Variants in HDAC9 observed in about 807,000 individuals in gnomAD.
HDAC9 encodes MEF-2 interacting transcription repressor (MITR) protein.
HDAC9 carries 41 observed loss-of-function variants against 139.4 expected under a neutral mutation model. That is an observed-to-expected ratio of 0.29 (90% CI 0.23 to 0.38). The LOEUF (loss-of-function observed/expected upper bound fraction) is 0.38. Ranked by LOEUF, HDAC9 falls within the 10% of genes least tolerant of loss-of-function variation. HDAC9 has a pLI of 1.00. For missense variants in HDAC9, 1,147 were observed against 1,297.0 expected, an observed-to-expected ratio of 0.88 and a Z score of 1.78; for synonymous variants, 517 against 476.2, an observed-to-expected ratio of 1.09 and a Z score of -1.12.
intron 1 of HDAC9, among the ~76,000 whole-genome samples, chr7:18,316,548 C>T (rs891887287): frequency 2.0e-5 from 3 of 148,224 alleles, no homozygotes; most frequent in Non-Finnish European, 4.4e-5. Context: ...CCATAATCTC[C>T]GTACTTGGGA....
At chr7:18,646,592 G>A (rs901554894) in intron 9 of HDAC9, among the ~76,000 whole-genome samples, 3 of 152,112 alleles carry the variant, frequency 2.0e-5, no homozygotes, top group African/African-American at 7.2e-5. Context: ...TTGACTTACT[G>A]TGTGACTCAG....
chr7:18,421,355 AGGAAGGGGGAAGGGAGGGAGGGAT>A (rs1789597506), intron 1 of HDAC9, among the ~76,000 whole-genome samples: 2 of 142,414 alleles, frequency 1.4e-5, no homozygotes, highest in Non-Finnish European at 3.1e-5. Context: ...GAAAAAAGGA[AGGAAGGGGGAAGGGAGGGAGGGAT>A]GGAAGGAGAA....
intron 2 of HDAC9, among the ~76,000 whole-genome samples, chr7:18,258,460 G>T (rs1479585037): frequency 6.6e-6 from 1 of 152,194 alleles, no homozygotes; most frequent in African/African-American, 2.4e-5. Flanking sequence ...TACCCAGTGT[G>T]TAGTCTTTTG....
chr7:18,234,812 G>A (rs1793705401), intron 2 of HDAC9, among the ~76,000 whole-genome samples: 1 of 152,226 alleles, frequency 6.6e-6, no homozygotes, highest in South Asian at 2.1e-4. Context: ...CAAGGATTCT[G>A]TTGCAGGACA....
chr7:18,859,838 A>ATGTGTGTGTGTGTGTG (rs1562997025), intron 21 of HDAC9, among the ~76,000 whole-genome samples: 1 of 129,788 alleles, frequency 7.7e-6, no homozygotes, highest in Non-Finnish European at 1.7e-5. Flanking sequence ...ATATATATAT[A>ATGTGTGTGTGTGTGTG]TATATATATA....
Position 18,634,755 on chromosome 7 carries a change from T to A in HDAC9, c.912+13T>A. 5 of 1,526,338 alleles carry A rather than the reference T, an allele frequency of 3.3e-6. No individual in the cohort carries two copies. The highest frequency in any genetic ancestry group is 4.5e-6 in the Non-Finnish European group (5 of 1,118,470). The allele number at this position is 1,526,338 out of a possible 1,614,324, so 94.5% of individuals were successfully genotyped here. The stretch of plus-strand genomic sequence containing the variant: ...CCCTCATGCCGAGGTAAGACCCTTA[T>A]TATTTTGTTTCTTTTAAAAACTGAA... On this transcript the variant is annotated intron_variant, in intron 8 of 25. Transcript: ENST00000686413.
intron 1 of HDAC9, among the ~76,000 whole-genome samples, chr7:18,411,359 A>G (rs1442029488): frequency 1.3e-5 from 2 of 152,200 alleles, no homozygotes; most frequent in Non-Finnish European, 2.9e-5. Flanking sequence ...TATTCAATAA[A>G]TTACATGAAA....
intron 2 of HDAC9, among the ~76,000 whole-genome samples, chr7:18,239,240 A>G (rs1284570259): frequency 6.6e-6 from 1 of 152,170 alleles, no homozygotes; most frequent in Non-Finnish European, 1.5e-5. Context: ...CATCCTTTTA[A>G]AATAGTTTAA....
In HDAC9 at chr7:18,410,222, T is replaced by G. The variant is rs79996137; in HGVS notation, c.-41-86040T>G. Among the ~76,000 whole-genome samples the G allele has an allele frequency of 8.7e-3, 1,325 of 152,252 alleles. 15 individuals are homozygous for G. The highest frequency in any genetic ancestry group is 0.03 in the African/African-American group (1,245 of 41,536). ...TTTTCTAAATTGGTTTAACCTATGG[T>G]CAGGGTGATGGAGCAGCAAGGGAGG... On this transcript the variant is annotated intron_variant, in intron 1 of 3. Transcript: ENST00000413509.
intron 16 of HDAC9, among the ~76,000 whole-genome samples, chr7:18,769,966 A>G (rs1790150412): frequency 1.3e-5 from 2 of 152,170 alleles, no homozygotes; most frequent in South Asian, 4.1e-4. Context: ...AGTAAACGCC[A>G]GTTCCTTAGA....
chr7:18,101,892 G>A (rs927892216), intron 1 of HDAC9, among the ~76,000 whole-genome samples: 10 of 152,136 alleles, frequency 6.6e-5, no homozygotes, highest in African/African-American at 2.2e-4. Flanking sequence ...TTGAAATAAT[G>A]TACTCTTGAA....
At chr7:18,732,637 G>A (rs1438517233) in intron 13 of HDAC9, among the ~76,000 whole-genome samples, 1 of 129,456 alleles carries the variant, frequency 7.7e-6, no homozygotes, top group Non-Finnish European at 1.6e-5. Context: ...GTGTATATGT[G>A]TGCATATGTG....
intron 16 of HDAC9, among the ~76,000 whole-genome samples, chr7:18,772,417 A>C (rs909227736): frequency 2.0e-5 from 3 of 152,130 alleles, no homozygotes; most frequent in Middle Eastern, 3.4e-3. Flanking sequence ...CTCTTTCTTC[A>C]TATGTTATTT....
intron 1 of HDAC9, among the ~76,000 whole-genome samples, chr7:18,292,415 A>G (rs1361623358): frequency 1.3e-5 from 2 of 152,120 alleles, no homozygotes; most frequent in African/African-American, 4.8e-5. Flanking sequence ...CTTCCTGAAG[A>G]TGAAAGTCGT....
At chr7:18,389,685 A>G (rs723296) in intron 1 of HDAC9, among the ~76,000 whole-genome samples, 6,543 of 152,298 alleles carry the variant, frequency 0.043, 221 homozygotes, top group African/African-American at 0.09. Flanking sequence ...TATGTCAAGT[A>G]TATGCATAAG....
At position 18,627,857 on chromosome 7, in the gene HDAC9, C is replaced by CA. The variant is rs781582950; in HGVS notation, c.665-1486dup. On this transcript the variant is annotated intron_variant, in intron 6 of 25. Coordinates refer to ENST00000686413, the MANE Select transcript of HDAC9 (RefSeq NM_178425.4). ...CAAGCATAAAATCAGGTTTACAATACAAAAAAAGTAGCTTTATTTTTTGTA... is the reference window on the plus strand; with the variant it reads ...CAAGCATAAAATCAGGTTTACAATACAAAAAAAAGTAGCTTTATTTTTTGTA... Among the ~76,000 whole-genome samples, 8 of 151,988 alleles carry CA rather than the reference C, an allele frequency of 5.3e-5. No homozygotes were observed. In the East Asian group the frequency reaches 9.7e-4, roughly 18 times the overall value.
At chr7:18,562,464 T>C (rs916931398) in intron 2 of HDAC9, among the ~76,000 whole-genome samples, 1 of 152,126 alleles carries the variant, frequency 6.6e-6, no homozygotes, top group African/African-American at 2.4e-5. Context: ...CATTTTGAGG[T>C]TTTCTGTGTG....
chr7:18,154,100 C>T (rs1786992439), intron 1 of HDAC9, among the ~76,000 whole-genome samples: 1 of 152,210 alleles, frequency 6.6e-6, no homozygotes. Flanking sequence ...GGGGAATAGA[C>T]TTCATGCTTC....
intron 14 of HDAC9, among the ~76,000 whole-genome samples, chr7:18,749,551 G>C (rs1788269259): frequency 6.6e-6 from 1 of 152,128 alleles, no homozygotes; most frequent in Non-Finnish European, 1.5e-5. Flanking sequence ...AATATCAACT[G>C]TCCTCTTACC....
Sources: gnomAD v4.1 joint callset for allele counts (sites outside exome capture counted in the v4.1 genomes callset) on GRCh38, gnomAD v4.1.1 for gene constraint, MANE v1.5 for transcripts, NCBI Gene and HGNC (gene_info 2026-07-23, HGNC 2026-07-21) for gene names.